Variants in CSF2RA observed in about 807,000 individuals in gnomAD.
The protein encoded by CSF2RA is colony stimulating factor 2 receptor subunit alpha, also known as granulocyte-macrophage colony-stimulating factor receptor subunit alpha.
In CSF2RA, 42 loss-of-function variants were observed where a neutral mutation model predicts 51.6. That is an observed-to-expected ratio of 0.81 (90% confidence interval 0.64 to 1.05). The LOEUF is 1.05. CSF2RA is among the 50% of genes least tolerant of loss of function. CSF2RA has a pLI of 0.00. For missense variants in CSF2RA, 530 were observed against 501.1 expected (o/e 1.06, Z -0.55); for synonymous variants, 222 against 193.0 (o/e 1.15, Z -1.24).
chrX:1,283,978 G>A (rs1332034363), intron 3 of CSF2RA, among the ~76,000 whole-genome samples: 1 of 152,050 alleles, frequency 6.6e-6, no homozygotes, highest in Non-Finnish European at 1.5e-5. Context: ...GAGGGTGTCA[G>A]GGCCTCTGCT....
the CSF2RA span, among the ~76,000 whole-genome samples, chrX:1,316,150 T>C: frequency 6.6e-6 from 1 of 151,500 alleles, no homozygotes; most frequent in South Asian, 2.1e-4. Context: ...GATGATAGAT[T>C]AGATAGATGA....
chrX:1,300,730 C>T, intron 10 of CSF2RA, 104 bp downstream of exon 10: 2 of 1,472,018 alleles, frequency 1.4e-6, no homozygotes, highest in Non-Finnish European at 1.9e-6. Flanking sequence ...TCGAGTTGAG[C>T]ACGTCGCTGG....
downstream of CSF2RA, among the ~76,000 whole-genome samples, chrX:1,311,846 A>G (rs1443272964): frequency 6.6e-6 from 1 of 152,118 alleles, no homozygotes; most frequent in Admixed American, 6.6e-5. Flanking sequence ...CATTTCCCAC[A>G]TCTAGAAAAG....
At chrX:1,280,471 CAA>C (rs750353851) in intron 2 of CSF2RA, among the ~76,000 whole-genome samples, 41 of 129,376 alleles carry the variant, frequency 3.2e-4, no homozygotes, top group East Asian at 9.2e-4. Context: ...AACTCCGTCT[CAA>C]AAAAAAAAAA....
chrX:1,314,247 TGCACCTGCCCAACCCCA>T (rs1569514679), downstream of CSF2RA, among the ~76,000 whole-genome samples: 56 of 103,878 alleles, frequency 5.4e-4, 3 homozygotes, highest in African/African-American at 1.6e-3. Context: ...CCAACCCCAC[TGCACCTGCCCAACCCCA>T]CTGCGCCTGC....
chrX:1,278,717 A>T (rs1478908479), intron 2 of CSF2RA, among the ~76,000 whole-genome samples: 1 of 146,842 alleles, frequency 6.8e-6, no homozygotes, highest in African/African-American at 2.5e-5. Context: ...AAGCAAGTTT[A>T]TTATGAAAGT....
At chrX:1,286,279 T>C (rs2090643072) in intron 4 of CSF2RA, among the ~76,000 whole-genome samples, 1 of 130,222 alleles carries the variant, frequency 7.7e-6, no homozygotes, top group Non-Finnish European at 1.6e-5. Flanking sequence ...TCTCATAAAA[T>C]GCAATAAGGC....
downstream of CSF2RA, among the ~76,000 whole-genome samples, chrX:1,310,686 T>C (rs1308216536): frequency 7.0e-6 from 1 of 143,052 alleles, no homozygotes; most frequent in East Asian, 2.0e-4. Flanking sequence ...AAAAAAAAAA[T>C]TATTATTGTA....
intron 9 of CSF2RA, among the ~76,000 whole-genome samples, chrX:1,298,654 CCT>C (rs2092155742): frequency 6.3e-5 from 1 of 15,796 alleles, no homozygotes; most frequent in Admixed American, 6.3e-4. Context: ...CTGGTGGAAC[CCT>C]ACAGTCCCCT....
At chrX:1,300,285 G>A (rs1375386485) in intron 9 of CSF2RA, 11 of 593,302 alleles carry the variant, frequency 1.9e-5, no homozygotes, top group Non-Finnish European at 3.3e-5. Flanking sequence ...TTCCCAACTT[G>A]TCTCCCATCG....
At chrX:1,317,516 C>T in the CSF2RA span, among the ~76,000 whole-genome samples, 2 of 145,558 alleles carry the variant, frequency 1.4e-5, no homozygotes, top group Non-Finnish European at 3.0e-5. Context: ...CTCCCAAAGT[C>T]CTGGGGTTGC....
At chrX:1,285,300 T>C (rs2148297488) in intron 3 of CSF2RA, among the ~76,000 whole-genome samples, 1 of 149,004 alleles carries the variant, frequency 6.7e-6, no homozygotes, top group East Asian at 2.2e-4. Flanking sequence ...GAGGAACAGA[T>C]ACCTGAGGAT....
In CSF2RA at chrX:1,309,444, C is replaced by T. The variant is rs150603886; in HGVS notation, c.1168C>T (p.Arg390Cys). 2.6e-5 allele frequency: 42 copies of T among 1,613,824 alleles called. No individual in the cohort carries two copies. Among genetic ancestry groups the T allele is most frequent in the Non-Finnish European group, 3.2e-5 (38 of 1,179,868 alleles). Reference protein sequence around the residue: ...EFTPEEGKGYREEVLTVKEIT With the variant: ...EFTPEEGKGYCEEVLTVKEIT ...CACCCCAGAGGAAGGGAAAGGCTAC[C>T]GCGAAGAGGTCTTGACCGTGAAGGA... Residue 390 changes from arginine to cysteine, a missense_variant, in exon 13 of 13, where the codon CGC becomes TGC. Coordinates refer to ENST00000381529, the MANE Select transcript of CSF2RA (RefSeq NM_172245.4).
intron 12 of CSF2RA, chrX:1,306,050 C>G (rs2083533961): frequency 2.3e-6 from 1 of 440,546 alleles, no homozygotes; most frequent in Non-Finnish European, 4.2e-6. Context: ...CCACTGCACT[C>G]CAGCCTGGGT....
downstream of CSF2RA, among the ~76,000 whole-genome samples, chrX:1,314,302 T>A (rs1160012875): frequency 0.6 from 20,516 of 34,256 alleles, 7,330 homozygotes; most frequent in East Asian, 0.71. Context: ...GCCCAACCAC[T>A]CTGTGCCTGC....
intron 4 of CSF2RA, among the ~76,000 whole-genome samples, chrX:1,287,764 T>A (rs1163511741): frequency 8.8e-6 from 1 of 114,076 alleles, no homozygotes; most frequent in Non-Finnish European, 1.8e-5. Context: ...GGGGATGGAG[T>A]CTCTGTCTGT....
chrX:1,290,198 T>C (rs2091266342), intron 6 of CSF2RA, 139 bp from the exon 7 acceptor site: 5 of 714,768 alleles, frequency 7.0e-6, no homozygotes, highest in East Asian at 2.6e-5. Flanking sequence ...TGTGGGTTTT[T>C]TTTGTTTTGT....
Position 1,300,555 on chromosome X carries a change from A to ACAC in CSF2RA, c.877_878insCCA (p.His292_Ser293insThr), listed in dbSNP as rs1440116891. 3 of 1,613,938 alleles carry ACAC rather than the reference A, an allele frequency of 1.9e-6. No individual in the cohort carries two copies. In the East Asian group the frequency reaches 6.7e-5, roughly 36 times the overall value. ...CCAAGCTCTGAGCCCAGAGCAAAAC[A>ACAC]CAGTGTGAAGATCAGAGCTGCAGAC... On this transcript the variant is annotated inframe_insertion, in exon 10 of 13. Coordinates refer to ENST00000381529, the MANE Select transcript of CSF2RA (RefSeq NM_172245.4).
At chrX:1,313,280 T>A (rs773733478), downstream of CSF2RA, among the ~76,000 whole-genome samples, 2,234 of 146,672 alleles carry the variant, frequency 0.015, 67 homozygotes, top group African/African-American at 0.055. Context: ...AAAAAAAAAA[T>A]AAAAAAAGCT....
Sources: gnomAD v4.1 joint callset for allele counts (sites outside exome capture counted in the v4.1 genomes callset) on GRCh38, gnomAD v4.1.1 for gene constraint, MANE v1.5 for transcripts, NCBI Gene and HGNC (gene_info 2026-07-23, HGNC 2026-07-21) for gene names.